The following CALCRL variants were observed in gnomAD, a reference collection of about 807,000 sequenced individuals.
CALCRL encodes the protein calcitonin gene-related peptide type 1 receptor.
Under a neutral mutation model 60.4 loss-of-function variants are expected in CALCRL, and 27 were observed. The observed-to-expected ratio is 0.45, with a 90% CI of 0.33 to 0.62. The LOEUF (loss-of-function observed/expected upper bound fraction) is 0.62. CALCRL is among the 20% of genes least tolerant of loss of function. The pLI is 0.03. For synonymous variants in CALCRL, 190 were observed against 182.6 expected (o/e 1.04, Z -0.33); for missense variants, 424 against 540.7 (o/e 0.78, Z 2.14).
intron 8 of CALCRL, among the ~76,000 whole-genome samples, chr2:187,372,982 T>C (rs1365208510): frequency 6.6e-6 from 1 of 152,296 alleles, no homozygotes; most frequent in Middle Eastern, 3.4e-3. Context: ...TTCTACTGAT[T>C]TGAATTTTAG....
chr2:187,413,264 A>T (rs1429010954), intron 1 of CALCRL, among the ~76,000 whole-genome samples: 1 of 152,022 alleles, frequency 6.6e-6, no homozygotes, highest in Non-Finnish European at 1.5e-5. Context: ...GGAAAAAAAG[A>T]GTGAACATCA....
At chr2:187,428,794 G>C (rs1255141253) in intron 1 of CALCRL, 1 of 151,786 alleles carries the variant, frequency 6.6e-6, no homozygotes, top group Admixed American at 6.6e-5. Flanking sequence ...TCGGGAGGCT[G>C]AGGCAGGAGA....
In CALCRL at chr2:187,344,784, C is replaced by G. The variant is rs936731843; in HGVS notation, c.*1400G>C. On this transcript the variant is annotated 3_prime_UTR_variant, in exon 15 of 15. Coordinates refer to ENST00000392370, the MANE Select transcript of CALCRL (RefSeq NM_005795.6). ...TGAATAGCCTGGGACATTTCCAAAGCTATATATCTTCACATAGTAAAAGTC... is the reference window on the plus strand; with the variant it reads ...TGAATAGCCTGGGACATTTCCAAAGGTATATATCTTCACATAGTAAAAGTC... 6.6e-6 allele frequency: 1 copy of G among 151,496 alleles called. No homozygotes were observed. Among genetic ancestry groups the G allele is most frequent in the African/African-American group, 2.4e-5 (1 of 41,352 alleles). 9.4% of individuals were successfully genotyped at this position (151,496 alleles called of 1,614,324 possible).
chr2:187,384,452 A>G (rs1278802579), intron 4 of CALCRL, among the ~76,000 whole-genome samples: 2 of 152,152 alleles, frequency 1.3e-5, no homozygotes, highest in Admixed American at 6.6e-5. Context: ...AAGAGTCACA[A>G]TTTCTTAATT....
Position 187,345,759 on chromosome 2 carries a change from A to G in CALCRL, c.*425T>C, listed in dbSNP as rs1049789830. ...AAAACTAAAAGCTAATTTTCCCTTC[A>G]TGTTTATAGACCTTAGCTAGGTCTC... On this transcript the variant is annotated 3_prime_UTR_variant, in exon 15 of 15. Transcript: ENST00000392370. The G allele has an allele frequency of 6.5e-6, 1 of 153,108 alleles. No individual in the cohort carries two copies. Among genetic ancestry groups the G allele is most frequent in the African/African-American group, 2.4e-5 (1 of 41,450 alleles). The allele number at this position is 153,108 out of a possible 1,614,324, so 9.5% of individuals were successfully genotyped here. A position where few individuals can be genotyped will look rare whatever the true frequency, so the allele number is the denominator to read the frequency against.
intron 1 of CALCRL, chr2:187,415,771 A>C: frequency 2.1e-6 from 1 of 474,380 alleles, no homozygotes; most frequent in Non-Finnish European, 3.8e-6. Context: ...TGTCAAGCTC[A>C]TTTCCTTGTA....
In CALCRL at chr2:187,352,202, A is replaced by G. The variant is rs1686564288; in HGVS notation, c.1040T>C (p.Ile347Thr). 1.2e-6 allele frequency: 2 copies of G among 1,612,448 alleles called. No homozygotes were observed. The highest frequency in any genetic ancestry group is 1.7e-6 in the Non-Finnish European group (2 of 1,178,942). ...TCGCCATGGAATCAGCACAAATTCA[A>G]TGCCAAGCAATGGCACCAAGATAAG... Reference protein sequence around the residue: ...ATLILVPLLGIEFVLIPWRPE... With the variant: ...ATLILVPLLGTEFVLIPWRPE... The change falls in exon 13 of 15, where the codon ATT becomes ACT. Residue 347 changes from isoleucine to threonine, a missense_variant. Ile to Thr is a moderately conservative substitution (Grantham distance 89). This residue lies in a region of CALCRL where 222 missense variants were observed against 265.6 expected (regional missense o/e 0.84). Coordinates refer to ENST00000392370, the MANE Select transcript of CALCRL (RefSeq NM_005795.6).
chr2:187,428,886 C>T (rs913787196), intron 1 of CALCRL: 20 of 99,982 alleles, frequency 2.0e-4, no homozygotes, highest in Non-Finnish European at 3.3e-4. Flanking sequence ...GAGCAAGACT[C>T]CGCCTCAAAA....
chr2:187,445,171 G>T (rs946967219), intron 1 of CALCRL, among the ~76,000 whole-genome samples: 12 of 151,674 alleles, frequency 7.9e-5, no homozygotes, highest in Non-Finnish European at 1.3e-4. Context: ...TTCTGATTAA[G>T]TCAAAACTAA....
At chr2:187,419,877 A>C (rs1246731926) in intron 1 of CALCRL, among the ~76,000 whole-genome samples, 1 of 152,214 alleles carries the variant, frequency 6.6e-6, no homozygotes, top group Non-Finnish European at 1.5e-5. Flanking sequence ...ATATTATGCC[A>C]TTATAAATAG....
chr2:187,363,669 G>C (rs1298220742), intron 8 of CALCRL, among the ~76,000 whole-genome samples, 167 bp from the exon 9 acceptor site: 1 of 152,108 alleles, frequency 6.6e-6, no homozygotes, highest in Non-Finnish European at 1.5e-5. Flanking sequence ...GGGAAAACCT[G>C]TAAGTGCTTA....
At chr2:187,350,613 GAT>G (rs148917291) in intron 14 of CALCRL, among the ~76,000 whole-genome samples, 4,918 of 151,314 alleles carry the variant, frequency 0.033, 216 homozygotes, top group African/African-American at 0.096. Context: ...TTGAACTTGA[GAT>G]ATATTTTAAT....
At chr2:187,378,386 G>A (rs557167947) in intron 8 of CALCRL, among the ~76,000 whole-genome samples, 1 of 152,160 alleles carries the variant, frequency 6.6e-6, no homozygotes, top group African/African-American at 2.4e-5. Context: ...TGATTGCTTT[G>A]TTCAAAAAAT....
At chr2:187,447,804 T>G (rs1032599401) in intron 1 of CALCRL, among the ~76,000 whole-genome samples, 2 of 152,112 alleles carry the variant, frequency 1.3e-5, no homozygotes, top group East Asian at 3.8e-4. Flanking sequence ...TTTAGATTTT[T>G]AATACTTGCT....
intron 12 of CALCRL, among the ~76,000 whole-genome samples, chr2:187,356,295 TA>T (rs1426335551): frequency 6.6e-6 from 1 of 152,136 alleles, no homozygotes; most frequent in Non-Finnish European, 1.5e-5. Context: ...ATGGTACTGG[TA>T]CCAAAACAGA....
At chr2:187,427,526 A>T (rs1690198016) in intron 1 of CALCRL, among the ~76,000 whole-genome samples, 1 of 152,204 alleles carries the variant, frequency 6.6e-6, no homozygotes, top group African/African-American at 2.4e-5. Context: ...GTCACTGCAT[A>T]TAATATGCTT....
At chr2:187,418,866 T>C (rs997998630) in intron 1 of CALCRL, among the ~76,000 whole-genome samples, 3 of 148,880 alleles carry the variant, frequency 2.0e-5, no homozygotes, top group Admixed American at 1.3e-4. Flanking sequence ...TTTCTTTTTT[T>C]TTTTTTTTTA....
chr2:187,387,832 C>T, intron 1 of CALCRL, 76 bp from the exon 2 acceptor site: 1 of 378,668 alleles, frequency 2.6e-6, no homozygotes, highest in Non-Finnish European at 4.7e-6. Flanking sequence ...TTAAAAACTT[C>T]AAAGAAAATA....
At chr2:187,398,854 AT>A in intron 1 of CALCRL, among the ~76,000 whole-genome samples, 2 of 151,808 alleles carry the variant, frequency 1.3e-5, no homozygotes, top group Middle Eastern at 6.8e-3. Context: ...AGTGAAGGCA[AT>A]TAGCTGAGAT....
Sources: gnomAD v4.1 joint callset for allele counts (sites outside exome capture counted in the v4.1 genomes callset) on GRCh38, gnomAD v4.1.1 for gene constraint, gnomAD v4.1.1 regional missense constraint, MANE v1.5 for transcripts, NCBI Gene and HGNC (gene_info 2026-07-23, HGNC 2026-07-21) for gene names.